The following MRRF variants were observed in gnomAD, a reference collection of about 807,000 sequenced individuals.
MRRF encodes the protein mitochondrial ribosome recycling factor.
A neutral mutation model predicts 25.1 loss-of-function variants in MRRF; 18 were observed. That is an observed-to-expected ratio of 0.72 (90% confidence interval 0.50 to 1.06). The LOEUF (loss-of-function observed/expected upper bound fraction) is 1.06. MRRF is among the 50% of genes least tolerant of loss of function. The pLI is 0.00. For synonymous variants in MRRF, 113 were observed against 112.1 expected (o/e 1.01, Z -0.05); for missense variants, 323 against 319.3 (o/e 1.01, Z -0.09).
At chr9:122,302,329 C>T (rs773797191) in intron 5 of MRRF, among the ~76,000 whole-genome samples, 74 of 152,166 alleles carry the variant, frequency 4.9e-4, no homozygotes, top group Non-Finnish European at 7.6e-4. Flanking sequence ...CTCTACCCAC[C>T]AGCAGTCACT....
chr9:122,307,919 G>T (rs1345629744), intron 5 of MRRF, among the ~76,000 whole-genome samples: 1 of 152,154 alleles, frequency 6.6e-6, no homozygotes, highest in African/African-American at 2.4e-5. Context: ...TGCACCTGGT[G>T]TATAGCTTTG....
chr9:122,269,177 A>T (rs187471849), intron 1 of MRRF, among the ~76,000 whole-genome samples: 7,370 of 150,886 alleles, frequency 0.049, 274 homozygotes, highest in African/African-American at 0.11. Context: ...AAAAAAAAAA[A>T]AATAATAATA....
chr9:122,270,798 C>A, intron 1 of MRRF, 66 bp from the exon 2 acceptor site: 1 of 1,248,466 alleles, frequency 8.0e-7, no homozygotes, highest in Non-Finnish European at 1.2e-6. Context: ...GTACGAATTA[C>A]CTGAAGTTGC....
chr9:122,322,708 A>C lies in MRRF; in HGVS notation c.*91A>C. ...GGACTTCTCTCCCTCCCCCATCTAC[A>C]CAGAAGACTGTCACCATGCTGACAG... is the stretch of plus-strand genomic sequence containing the variant. On this transcript the variant is annotated 3_prime_UTR_variant, in exon 7 of 7. Transcript: ENST00000344641. 9.0e-7 allele frequency: 1 copy of C among 1,113,130 alleles called. No individual in the cohort carries two copies. Among genetic ancestry groups the C allele is most frequent in the Non-Finnish European group, 1.4e-6 (1 of 739,210 alleles). The allele number at this position is 1,113,130 out of a possible 1,614,324, so 69.0% of individuals were successfully genotyped here.
intron 1 of MRRF, among the ~76,000 whole-genome samples, chr9:122,269,190 A>C (rs1232859422): frequency 6.6e-6 from 1 of 151,626 alleles, no homozygotes; most frequent in Non-Finnish European, 1.5e-5. Flanking sequence ...TAATAATAAT[A>C]ATAGCCATCA....
chr9:122,294,141 A>C (rs983140138), intron 5 of MRRF, among the ~76,000 whole-genome samples: 1 of 152,160 alleles, frequency 6.6e-6, no homozygotes, highest in African/African-American at 2.4e-5. Flanking sequence ...GCTTCCTCAC[A>C]TGTCAGATGA....
intron 2 of MRRF, among the ~76,000 whole-genome samples, chr9:122,273,233 C>A (rs1832571797): frequency 1.3e-5 from 2 of 152,138 alleles, no homozygotes. Context: ...GGTTGGATTG[C>A]TTGAGCTCAG....
At chr9:122,296,672 A>G (rs1459698343) in intron 5 of MRRF, among the ~76,000 whole-genome samples, 2 of 152,162 alleles carry the variant, frequency 1.3e-5, no homozygotes, top group Non-Finnish European at 2.9e-5. Flanking sequence ...GGCCCTGAAA[A>G]GTTTTGATCA....
At chr9:122,310,083 C>G (rs763349930) in intron 5 of MRRF, among the ~76,000 whole-genome samples, 1 of 152,244 alleles carries the variant, frequency 6.6e-6, no homozygotes, top group African/African-American at 2.4e-5. Flanking sequence ...TGTATTACCT[C>G]ATCTAAATCT....
chr9:122,274,533 G>GCTGT (rs34469561), intron 2 of MRRF, among the ~76,000 whole-genome samples: 2 of 140,562 alleles, frequency 1.4e-5, no homozygotes, highest in Non-Finnish European at 3.1e-5. Context: ...ATATGAATCT[G>GCTGT]GTGTGTGTGT....
chr9:122,306,616 T>C (rs891283190), intron 5 of MRRF, among the ~76,000 whole-genome samples: 9 of 152,142 alleles, frequency 5.9e-5, no homozygotes, highest in Non-Finnish European at 1.2e-4. Context: ...GGTACTCAAC[T>C]TGTAAGTGTC....
chr9:122,314,733 G>A (rs1391121825), intron 6 of MRRF, among the ~76,000 whole-genome samples: 2 of 152,088 alleles, frequency 1.3e-5, no homozygotes, highest in African/African-American at 2.4e-5. Context: ...CAGATTGTAG[G>A]GGGCAAGACT....
At chr9:122,265,595 T>A (rs1268540524) in intron 1 of MRRF, 1 of 398,112 alleles carries the variant, frequency 2.5e-6, no homozygotes, top group Non-Finnish European at 4.8e-6. Context: ...TTTCCCCCCA[T>A]TTTGGAAAGC....
intron 5 of MRRF, among the ~76,000 whole-genome samples, chr9:122,307,714 A>G (rs922213585): frequency 1.3e-5 from 2 of 152,206 alleles, no homozygotes; most frequent in Non-Finnish European, 2.9e-5. Context: ...GAGGCTGAAT[A>G]GCATACTCAA....
chr9:122,270,759 C>A, intron 1 of MRRF, 105 bp from the exon 2 acceptor site: 1 of 829,190 alleles, frequency 1.2e-6, no homozygotes. Flanking sequence ...TAGTACTTAG[C>A]TCAGTTTATA....
rs1022644119 is a variant in MRRF at position 122,328,386 on chromosome 9, C to T, written c.*5769C>T. On this transcript the variant is annotated 3_prime_UTR_variant, in exon 7 of 7. Transcript: ENST00000344641. ...CTGACGCTCTATACCCATTACACAA[C>T]CCCAGTTCCCCCTTCTCAGCCCCCA... 6.6e-5 allele frequency: 10 copies of T among 152,170 alleles called. No individual in the cohort carries two copies. Among genetic ancestry groups the T allele is most frequent in the Non-Finnish European group, 2.9e-5 (2 of 68,028 alleles). 9.4% of individuals were successfully genotyped at this position (152,170 alleles called of 1,614,324 possible).
chr9:122,275,624 G>A (rs764350344), intron 2 of MRRF, among the ~76,000 whole-genome samples: 1 of 152,098 alleles, frequency 6.6e-6, no homozygotes, highest in Non-Finnish European at 1.5e-5. Context: ...GTGACAGAGT[G>A]AGGCCCTGTC....
chr9:122,291,500 A>G (rs1833766342), intron 4 of MRRF, among the ~76,000 whole-genome samples: 1 of 152,164 alleles, frequency 6.6e-6, no homozygotes, highest in African/African-American at 2.4e-5. Flanking sequence ...TCAAAGAGGC[A>G]GAGCTGTTTT....
At chr9:122,307,500 C>G (rs779810974) in intron 5 of MRRF, among the ~76,000 whole-genome samples, 1 of 152,192 alleles carries the variant, frequency 6.6e-6, no homozygotes, top group Non-Finnish European at 1.5e-5. Flanking sequence ...TCTCACCACT[C>G]GCATCCTATT....
Sources: gnomAD v4.1 joint callset for allele counts (sites outside exome capture counted in the v4.1 genomes callset) on GRCh38, gnomAD v4.1.1 for gene constraint, MANE v1.5 for transcripts, NCBI Gene and HGNC (gene_info 2026-07-23, HGNC 2026-07-21) for gene names.